The following ENTREP2 variants were observed in gnomAD, a reference collection of about 807,000 sequenced individuals.
The protein encoded by ENTREP2 is protein ENTREP2.
At chr15:29,246,375 G>C in the ENTREP2 span, among the ~76,000 whole-genome samples, 57 of 128,638 alleles carry the variant, frequency 4.4e-4, 1 homozygote, top group East Asian at 0.012. Flanking sequence ...CTAAGCAACA[G>C]AGTGAAACCC....
the ENTREP2 span, among the ~76,000 whole-genome samples, chr15:29,561,228 C>T: frequency 6.6e-6 from 1 of 151,708 alleles, no homozygotes; most frequent in Non-Finnish European, 1.5e-5. Flanking sequence ...TCCCATGTAG[C>T]AATTCCACCT....
chr15:29,125,660 A>G, the ENTREP2 span, among the ~76,000 whole-genome samples: 1 of 152,172 alleles, frequency 6.6e-6, no homozygotes, highest in Non-Finnish European at 1.5e-5. Flanking sequence ...CTCTCAAAAG[A>G]CAGTGATGAG....
At chr15:29,630,903 G>C in the ENTREP2 span, among the ~76,000 whole-genome samples, 4 of 152,224 alleles carry the variant, frequency 2.6e-5, no homozygotes, top group East Asian at 1.9e-4. Context: ...GGCTGATCTC[G>C]AACTCCTCAC....
chr15:29,655,674 TA>T, the ENTREP2 span, among the ~76,000 whole-genome samples: 9 of 151,816 alleles, frequency 5.9e-5, no homozygotes, highest in African/African-American at 2.2e-4. Flanking sequence ...GAATTTCAAC[TA>T]AAAAATAAAA....
At chr15:29,536,116 C>T in the ENTREP2 span, among the ~76,000 whole-genome samples, 1 of 152,140 alleles carries the variant, frequency 6.6e-6, no homozygotes, top group Non-Finnish European at 1.5e-5. Flanking sequence ...TTAGCTAATT[C>T]CCCTTGCCAG....
At chr15:29,543,687 G>C in the ENTREP2 span, among the ~76,000 whole-genome samples, 1 of 151,844 alleles carries the variant, frequency 6.6e-6, no homozygotes, top group Admixed American at 6.6e-5. Context: ...GCTGAGGCAG[G>C]AGAATCGCTT....
the ENTREP2 span, among the ~76,000 whole-genome samples, chr15:29,668,557 A>G: frequency 2.0e-5 from 3 of 152,192 alleles, no homozygotes; most frequent in African/African-American, 7.2e-5. Flanking sequence ...GTATATATCG[A>G]TACAAGAGAC....
the ENTREP2 span, among the ~76,000 whole-genome samples, chr15:29,525,631 A>T: frequency 6.6e-6 from 1 of 152,236 alleles, no homozygotes; most frequent in African/African-American, 2.4e-5. Flanking sequence ...GAAAAAGGCC[A>T]GTCTCAAAAG....
chr15:29,658,703 G>A, the ENTREP2 span, among the ~76,000 whole-genome samples: 2 of 152,038 alleles, frequency 1.3e-5, no homozygotes. Flanking sequence ...AATGTGATCT[G>A]AATCTGAAAG....
the ENTREP2 span, among the ~76,000 whole-genome samples, chr15:29,309,618 G>A: frequency 6.7e-6 from 1 of 150,370 alleles, no homozygotes; most frequent in Non-Finnish European, 1.5e-5. Context: ...GCAAAACCCC[G>A]TTTCTACTAA....
chr15:29,195,260 G>A, the ENTREP2 span: 1 of 985,332 alleles, frequency 1.0e-6, no homozygotes, highest in South Asian at 4.7e-5. Flanking sequence ...GCCAGGCGTA[G>A]TCCTACCATG....
the ENTREP2 span, chr15:29,123,276 G>A: frequency 6.9e-7 from 1 of 1,439,186 alleles, no homozygotes; most frequent in Non-Finnish European, 9.2e-7. Flanking sequence ...CAGGCATGAT[G>A]GCTTCTGCCA....
the ENTREP2 span, among the ~76,000 whole-genome samples, chr15:29,381,478 A>AT: frequency 6.7e-6 from 1 of 148,424 alleles, no homozygotes; most frequent in African/African-American, 2.5e-5. Flanking sequence ...AAAAAAAAAA[A>AT]AAGCCCTTGG....
chr15:29,510,609 TC>T, the ENTREP2 span, among the ~76,000 whole-genome samples: 2 of 151,358 alleles, frequency 1.3e-5, no homozygotes, highest in African/African-American at 4.9e-5. Flanking sequence ...ATCGAGACCA[TC>T]CTGGCTAACA....
chr15:29,540,729 TGATA>T, the ENTREP2 span, among the ~76,000 whole-genome samples: 1 of 152,236 alleles, frequency 6.6e-6, no homozygotes, highest in Admixed American at 6.5e-5. Flanking sequence ...TCTCAAGCAC[TGATA>T]AAGTGATGTA....
At chr15:29,358,692 A>G in the ENTREP2 span, among the ~76,000 whole-genome samples, 1 of 152,162 alleles carries the variant, frequency 6.6e-6, no homozygotes, top group Non-Finnish European at 1.5e-5. Context: ...CTAGATTCCT[A>G]CAGTCTAAAT....
At chr15:29,664,897 C>T in the ENTREP2 span, among the ~76,000 whole-genome samples, 1 of 152,208 alleles carries the variant, frequency 6.6e-6, no homozygotes, top group Non-Finnish European at 1.5e-5. Context: ...GATGCAGCTG[C>T]GCCCAGCAAT....
chr15:29,470,061 C>T, the ENTREP2 span, among the ~76,000 whole-genome samples: 5 of 152,200 alleles, frequency 3.3e-5, no homozygotes, highest in African/African-American at 7.2e-5. Flanking sequence ...CCTTGAAAAC[C>T]GCAGAATAGA....
the ENTREP2 span, among the ~76,000 whole-genome samples, chr15:29,270,278 T>G: frequency 6.6e-6 from 1 of 152,212 alleles, no homozygotes; most frequent in Non-Finnish European, 1.5e-5. Context: ...CTGCCCCCAG[T>G]TACTTTCTCT....
Sources: allele counts gnomAD v4.1 joint callset (sites outside exome capture counted in the v4.1 genomes callset), GRCh38; gene constraint gnomAD v4.1.1; transcripts MANE v1.5; gene names NCBI Gene and HGNC (gene_info 2026-07-23, HGNC 2026-07-21).